SLAMF1: variants seen among roughly 807,000 people sequenced by gnomAD.
SLAMF1 encodes the protein signaling lymphocytic activation molecule family member 1.
Under a neutral mutation model 35.1 loss-of-function variants are expected in SLAMF1, and 18 were observed. The ratio of observed to expected loss-of-function variants is 0.51; its 90% CI spans 0.35 to 0.76. The LOEUF (loss-of-function observed/expected upper bound fraction) is 0.76. SLAMF1 is among the 30% of genes least tolerant of loss of function. The probability of loss-of-function intolerance (pLI) is 0.01; values close to 1 mark genes in which losing one functional copy is unlikely to be tolerated. For missense variants in SLAMF1, 392 were observed against 413.0 expected (o/e 0.95, Z 0.44); for synonymous variants, 168 against 157.2 (o/e 1.07, Z -0.51).
chr1:160,629,450 G>C (rs1330909124), intron 3 of SLAMF1, among the ~76,000 whole-genome samples: 3 of 152,006 alleles, frequency 2.0e-5, no homozygotes, highest in Non-Finnish European at 2.9e-5. Context: ...CGGTGGGAGC[G>C]TGCCGGATCT....
chr1:160,612,458 C>G (rs11265449), intron 6 of SLAMF1, 30 bp downstream of exon 6: 636,044 of 1,445,430 alleles, frequency 0.44, 146,030 homozygotes, highest in East Asian at 0.61. Context: ...TATTCCCTCT[C>G]TACGGAGAGT....
rs372181622 is a variant in SLAMF1 at position 160,645,744 on chromosome 1, A to G, written c.76+1126T>C. On this transcript the variant is annotated intron_variant, in intron 1 of 6. Transcript: ENST00000302035. Reference sequence around the variant, plus strand: ...CCCTAGACCTTGGGAAGTACGAGCCATGGATCTGCAGATTCCAAAAGAAAG... The same window carrying G: ...CCCTAGACCTTGGGAAGTACGAGCCGTGGATCTGCAGATTCCAAAAGAAAG... Among the ~76,000 whole-genome samples the G allele has an allele frequency of 2.6e-4, 40 of 152,334 alleles. 2 individuals are homozygous for G. The South Asian group carries it at 8.1e-3, about 31-fold the overall frequency.
At chr1:160,616,045 A>C (rs532053528) in intron 5 of SLAMF1, among the ~76,000 whole-genome samples, 1 of 152,328 alleles carries the variant, frequency 6.6e-6, no homozygotes, top group South Asian at 2.1e-4. Flanking sequence ...TTGTTAAGGC[A>C]TCCCTAGGAA....
intron 3 of SLAMF1, among the ~76,000 whole-genome samples, chr1:160,626,262 TC>T (rs1197371671): frequency 1.3e-5 from 2 of 152,156 alleles, no homozygotes; most frequent in Non-Finnish European, 2.9e-5. Flanking sequence ...CAGCCTCCTC[TC>T]CCTCGCGCCC....
At chr1:160,620,954 T>C (rs1000827043) in intron 4 of SLAMF1, among the ~76,000 whole-genome samples, 8 of 152,262 alleles carry the variant, frequency 5.3e-5, no homozygotes, top group Admixed American at 5.2e-4. Context: ...GGATATTTGC[T>C]ATACTTATAT....
chr1:160,629,303 GTCTCTCTC>G (rs10653393), intron 3 of SLAMF1, among the ~76,000 whole-genome samples: 62 of 150,296 alleles, frequency 4.1e-4, no homozygotes, highest in Middle Eastern at 6.8e-3. Context: ...ACAGAAGCGT[GTCTCTCTC>G]TCTCTCTCTC....
At chr1:160,634,558 A>C in intron 3 of SLAMF1, 55 bp downstream of exon 3, 5 of 1,509,890 alleles carry the variant, frequency 3.3e-6, no homozygotes, top group Non-Finnish European at 4.5e-6. Flanking sequence ...GGACCATGTG[A>C]AGACTGAGCC....
chr1:160,638,274 G>A (rs1264621891), intron 1 of SLAMF1, among the ~76,000 whole-genome samples: 1 of 151,934 alleles, frequency 6.6e-6, no homozygotes, highest in Non-Finnish European at 1.5e-5. Flanking sequence ...CTCATGTGAC[G>A]ACTTTGCTTT....
intron 3 of SLAMF1, among the ~76,000 whole-genome samples, chr1:160,633,130 G>A (rs766864131): frequency 6.6e-5 from 10 of 152,262 alleles, no homozygotes; most frequent in South Asian, 2.1e-4. Context: ...TAGGACTTCC[G>A]GGGTCACATT....
At chr1:160,631,698 T>C (rs1660174029) in intron 3 of SLAMF1, among the ~76,000 whole-genome samples, 1 of 151,212 alleles carries the variant, frequency 6.6e-6, no homozygotes, top group African/African-American at 2.4e-5. Context: ...AGGGTGTGAG[T>C]ACACGAAGGA....
chr1:160,623,441 A>T (rs1001994938), intron 4 of SLAMF1: 2 of 397,304 alleles, frequency 5.0e-6, no homozygotes, highest in African/African-American at 4.1e-5. Flanking sequence ...GATGACACTG[A>T]TCTACTTGAG....
At chr1:160,639,001 A>T (rs1191962340) in intron 1 of SLAMF1, among the ~76,000 whole-genome samples, 6 of 152,112 alleles carry the variant, frequency 3.9e-5, no homozygotes, top group African/African-American at 1.4e-4. Flanking sequence ...GCACAGTCTG[A>T]CATATTTCTG....
chr1:160,622,844 A>G (rs1184769623), intron 4 of SLAMF1, among the ~76,000 whole-genome samples: 1 of 152,262 alleles, frequency 6.6e-6, no homozygotes, highest in Admixed American at 6.5e-5. Context: ...TGAAATTGAA[A>G]AGCCTTCAGC....
chr1:160,631,635 A>G (rs908231458), intron 3 of SLAMF1, among the ~76,000 whole-genome samples: 1 of 152,156 alleles, frequency 6.6e-6, no homozygotes, highest in Non-Finnish European at 1.5e-5. Flanking sequence ...AGAAGAGGAA[A>G]TCTGGACACA....
chr1:160,623,896 C>T (rs966585057), intron 4 of SLAMF1, among the ~76,000 whole-genome samples, 200 bp downstream of exon 4: 5 of 152,080 alleles, frequency 3.3e-5, no homozygotes, highest in Admixed American at 2.6e-4. Flanking sequence ...TATTTCTTTC[C>T]ACAGCCTAGT....
At chr1:160,640,911 G>A (rs187734493) in intron 1 of SLAMF1, among the ~76,000 whole-genome samples, 1 of 152,118 alleles carries the variant, frequency 6.6e-6, no homozygotes, top group African/African-American at 2.4e-5. Context: ...GGTGGTGGTG[G>A]TTGTTTTTAC....
At position 160,620,674 on chromosome 1, in the gene SLAMF1, T is replaced by A. The variant is rs187416380; in HGVS notation, c.791-825A>T. ...TCCCAAAAGAAACCGTATTTTTCAA[T>A]ACCTGTGAAAAGAAGTGGGAAAAAA... On this transcript the variant is annotated intron_variant, in intron 4 of 6. Transcript: ENST00000302035. 7.6e-4 allele frequency among the ~76,000 whole-genome samples: 116 copies of A among 152,302 alleles called. 1 individual carries two copies. The highest frequency in any genetic ancestry group is 2.7e-3 in the African/African-American group (112 of 41,560).
chr1:160,628,223 A>G (rs566812430), intron 3 of SLAMF1, among the ~76,000 whole-genome samples: 23 of 152,266 alleles, frequency 1.5e-4, no homozygotes, highest in Admixed American at 3.9e-4. Flanking sequence ...TTACACCAAT[A>G]ATTTTGTGGG....
In SLAMF1 at chr1:160,608,126, T is replaced by C. The variant is rs1658794066; in HGVS notation, c.*2622A>G. On this transcript the variant is annotated 3_prime_UTR_variant, in exon 7 of 7. Transcript: ENST00000302035. Reference sequence around the variant, plus strand: ...TGCAATTTCCTTGATGGACTGGCTGTAATTTATTCATTTCCAAAAAGTAGA... The same window carrying C: ...TGCAATTTCCTTGATGGACTGGCTGCAATTTATTCATTTCCAAAAAGTAGA... 6.6e-6 allele frequency: 1 copy of C among 152,250 alleles called. No individual in the cohort carries two copies. Among genetic ancestry groups the C allele is most frequent in the Non-Finnish European group, 1.5e-5 (1 of 68,050 alleles). 9.4% of individuals were successfully genotyped at this position (152,250 alleles called of 1,614,324 possible). A position where few individuals can be genotyped will look rare whatever the true frequency, so the allele number is the denominator to read the frequency against.
Sources: allele counts gnomAD v4.1 joint callset (sites outside exome capture counted in the v4.1 genomes callset), GRCh38; gene constraint gnomAD v4.1.1; transcripts MANE v1.5; gene names NCBI Gene and HGNC (gene_info 2026-07-23, HGNC 2026-07-21).